Variants in ROBO1 observed in about 807,000 individuals in gnomAD.
ROBO1 encodes roundabout guidance receptor 1.
ROBO1 carries 149 observed loss-of-function variants against 195.9 expected under a neutral mutation model. The observed-to-expected ratio is 0.76, with a 90% CI of 0.67 to 0.87. The LOEUF is 0.87. ROBO1 is among the 40% of genes least tolerant of loss of function. The pLI is 0.00. For synonymous variants in ROBO1, 816 were observed against 733.2 expected, an observed-to-expected ratio of 1.11 and a Z score of -1.82; for missense variants, 1,933 against 2,068.3, an observed-to-expected ratio of 0.93 and a Z score of 1.27.
intron 22 of ROBO1, among the ~76,000 whole-genome samples, chr3:78,639,171 T>G (rs1172066362): frequency 6.6e-6 from 1 of 151,874 alleles, no homozygotes. Context: ...TTAAATACTT[T>G]TATGGCTGGG....
At chr3:79,675,936 G>A (rs7430666) in intron 1 of ROBO1, among the ~76,000 whole-genome samples, 42,392 of 151,782 alleles carry the variant, frequency 0.28, 6,758 homozygotes, top group African/African-American at 0.45. Context: ...CACAATTGTC[G>A]ATAAAAAGGT....
At chr3:79,715,591 C>T (rs1266685696) in intron 1 of ROBO1, among the ~76,000 whole-genome samples, 7 of 152,106 alleles carry the variant, frequency 4.6e-5, no homozygotes, top group African/African-American at 1.7e-4. Context: ...GAAACTAAAA[C>T]ATTCATGTGA....
At chr3:79,283,061 T>G (rs1391063271) in intron 2 of ROBO1, among the ~76,000 whole-genome samples, 3 of 152,258 alleles carry the variant, frequency 2.0e-5, no homozygotes, top group Non-Finnish European at 2.9e-5. Context: ...TGTATCTATA[T>G]AAATTCAATG....
intron 10 of ROBO1, among the ~76,000 whole-genome samples, chr3:78,678,826 G>A (rs1708604862): frequency 6.6e-6 from 1 of 152,142 alleles, no homozygotes; most frequent in African/African-American, 2.4e-5. Flanking sequence ...CTCATTTTAT[G>A]AGGCCAGCAT....
intron 29 of ROBO1, among the ~76,000 whole-genome samples, chr3:78,606,387 C>A (rs1173527264): frequency 1.3e-5 from 2 of 152,152 alleles, no homozygotes; most frequent in South Asian, 2.1e-4. Context: ...ATATTCAATT[C>A]TCCAGCCAAA....
chr3:79,424,884 G>C (rs984539267), intron 2 of ROBO1, among the ~76,000 whole-genome samples: 1 of 152,120 alleles, frequency 6.6e-6, no homozygotes, highest in Non-Finnish European at 1.5e-5. Context: ...CACAAGAATA[G>C]AGACTGAAAT....
At chr3:79,648,531 T>C (rs546757583) in intron 1 of ROBO1, among the ~76,000 whole-genome samples, 23 of 152,144 alleles carry the variant, frequency 1.5e-4, no homozygotes, top group Admixed American at 1.4e-3. Flanking sequence ...TAACAATTTT[T>C]TTCTAGACAT....
intron 1 of ROBO1, among the ~76,000 whole-genome samples, chr3:79,757,508 TCC>T (rs759002816): frequency 0.29 from 42,474 of 147,526 alleles, 6,559 homozygotes; most frequent in East Asian, 0.35. Flanking sequence ...TCTCTCTCTC[TCC>T]ATATATATAT....
At chr3:79,369,011 TGTG>T (rs2036083665) in intron 2 of ROBO1, among the ~76,000 whole-genome samples, 1 of 152,218 alleles carries the variant, frequency 6.6e-6, no homozygotes. Context: ...AAACACTTAT[TGTG>T]CATAACCAGT....
At chr3:78,781,973 A>G (rs1005579799) in intron 4 of ROBO1, among the ~76,000 whole-genome samples, 7 of 152,118 alleles carry the variant, frequency 4.6e-5, no homozygotes, top group Non-Finnish European at 1.5e-5. Flanking sequence ...ATTTGCTGTA[A>G]AAAGCAGCTC....
chr3:79,417,461 T>C (rs893803021), intron 2 of ROBO1, among the ~76,000 whole-genome samples: 3 of 152,162 alleles, frequency 2.0e-5, no homozygotes, highest in African/African-American at 7.2e-5. Flanking sequence ...ACCTCTCAGC[T>C]AAGCTACTTC....
At chr3:79,329,101 G>T (rs1425818653) in intron 2 of ROBO1, among the ~76,000 whole-genome samples, 1 of 152,006 alleles carries the variant, frequency 6.6e-6, no homozygotes, top group Non-Finnish European at 1.5e-5. Context: ...TTTCACAGTT[G>T]TACTATTTCC....
chr3:79,162,048 A>G (rs2080976837), intron 2 of ROBO1, among the ~76,000 whole-genome samples: 1 of 151,104 alleles, frequency 6.6e-6, no homozygotes, highest in South Asian at 2.1e-4. Context: ...TCTCAAGTTC[A>G]TTTTTTTTTC....
intron 3 of ROBO1, among the ~76,000 whole-genome samples, chr3:79,110,494 A>G (rs980076424): frequency 1.3e-5 from 2 of 150,710 alleles, no homozygotes; most frequent in African/African-American, 4.9e-5. Flanking sequence ...TTCTTAAAAT[A>G]CCTCCTGTCA....
intron 3 of ROBO1, among the ~76,000 whole-genome samples, chr3:79,034,778 T>C (rs2078354883): frequency 2.0e-5 from 3 of 152,112 alleles, no homozygotes. Context: ...TACATAAGTT[T>C]ATAGGTAGTG....
At chr3:79,017,759 C>T (rs2108255093) in intron 3 of ROBO1, among the ~76,000 whole-genome samples, 1 of 152,120 alleles carries the variant, frequency 6.6e-6, no homozygotes, top group Middle Eastern at 3.4e-3. Context: ...AATGAGAATC[C>T]CCAGGCAACT....
At chr3:79,721,495 G>A (rs1353672872) in intron 1 of ROBO1, among the ~76,000 whole-genome samples, 3 of 152,088 alleles carry the variant, frequency 2.0e-5, no homozygotes, top group Non-Finnish European at 4.4e-5. Flanking sequence ...CTTTCTGGAC[G>A]GACACATTAT....
intron 2 of ROBO1, among the ~76,000 whole-genome samples, chr3:79,381,622 TCTTA>T (rs1454093786): frequency 6.6e-6 from 1 of 151,882 alleles, no homozygotes; most frequent in Non-Finnish European, 1.5e-5. Context: ...AGCCCTAAAG[TCTTA>T]CTTAAACTCT....
intron 4 of ROBO1, among the ~76,000 whole-genome samples, chr3:78,839,339 T>C (rs2106716769): frequency 6.6e-6 from 1 of 152,154 alleles, no homozygotes; most frequent in East Asian, 1.9e-4. Context: ...ATGTATGATG[T>C]AATGATGTAT....
Sources: allele counts gnomAD v4.1 joint callset (sites outside exome capture counted in the v4.1 genomes callset), GRCh38; gene constraint gnomAD v4.1.1; transcripts MANE v1.5; gene names NCBI Gene and HGNC (gene_info 2026-07-23, HGNC 2026-07-21).